MTG1: variants seen among roughly 807,000 people sequenced by gnomAD.
MTG1 encodes mitochondrial ribosome associated GTPase 1, also known as mitochondrial ribosome-associated GTPase 1.
In MTG1, 30 loss-of-function variants were observed where a neutral mutation model predicts 39.5. The observed-to-expected ratio is 0.76, with a 90% CI of 0.57 to 1.03. MTG1 has a LOEUF of 1.03. Ranked by LOEUF, MTG1 falls within the 50% of genes least tolerant of loss-of-function variation. The pLI, the probability that MTG1 is intolerant of heterozygous loss-of-function variation, is 0.00. For synonymous variants in MTG1, 217 were observed against 179.0 expected (o/e 1.21, Z -1.69); for missense variants, 513 against 447.4 (o/e 1.15, Z -1.32).
At chr10:133,417,564 A>G (rs1589919636) in intron 9 of MTG1, among the ~76,000 whole-genome samples, 1 of 151,842 alleles carries the variant, frequency 6.6e-6, no homozygotes, top group Admixed American at 6.6e-5. Context: ...AGGGTATTCA[A>G]TTAGGAAAAG....
Position 133,420,286 on chromosome 10 carries a change from C to A in MTG1, c.*121C>A. 1 of 1,232,134 alleles carries A rather than the reference C, an allele frequency of 8.1e-7. No homozygotes were observed. The highest frequency in any genetic ancestry group is 1.1e-6 in the Non-Finnish European group (1 of 926,626). The allele number at this position is 1,232,134 out of a possible 1,614,324, so 76.3% of individuals were successfully genotyped here. ...CCATGCTGGTCACTAGGGTGCTGTGCTCTCTGGCGCCCCACAGCCTGGCCA... is the reference window on the plus strand; with the variant it reads ...CCATGCTGGTCACTAGGGTGCTGTGATCTCTGGCGCCCCACAGCCTGGCCA... On this transcript the variant is annotated 3_prime_UTR_variant, in exon 11 of 11. Transcript: ENST00000317502.
intron 10 of MTG1, among the ~76,000 whole-genome samples, 190 bp downstream of exon 10, chr10:133,419,782 G>A (rs1411624923): frequency 1.3e-5 from 2 of 152,184 alleles, no homozygotes; most frequent in Non-Finnish European, 2.9e-5. Flanking sequence ...CCAGGCTTCC[G>A]AGGGTGAGAC....
chr10:133,398,405 A>G (rs1172592035), intron 3 of MTG1, 30 bp from the exon 4 acceptor site: 2 of 1,605,842 alleles, frequency 1.2e-6, no homozygotes, highest in East Asian at 2.2e-5. Flanking sequence ...CAGTAAAAAA[A>G]GTAACATAGA....
chr10:133,404,213 A>G (rs192770343), intron 9 of MTG1, among the ~76,000 whole-genome samples: 116 of 136,350 alleles, frequency 8.5e-4, no homozygotes, highest in Middle Eastern at 4.1e-3. Flanking sequence ...CTGCAGCCTG[A>G]CCTCCTGGGC....
At chr10:133,410,956 T>C (rs11101743) in intron 9 of MTG1, among the ~76,000 whole-genome samples, 364 of 152,348 alleles carry the variant, frequency 2.4e-3, no homozygotes, top group African/African-American at 8.5e-3. Context: ...GTAGTTATTA[T>C]TTTTGATACA....
At chr10:133,394,472 T>C in intron 1 of MTG1, 140 bp downstream of exon 1, 1 of 1,325,210 alleles carries the variant, frequency 7.5e-7, no homozygotes, top group Non-Finnish European at 9.7e-7. Context: ...CTCCCCTCCT[T>C]CCCCGCTCTC....
At chr10:133,397,483 CT>C (rs755741791) in intron 3 of MTG1, among the ~76,000 whole-genome samples, 220 of 142,144 alleles carry the variant, frequency 1.5e-3, no homozygotes, top group Non-Finnish European at 1.6e-3. Flanking sequence ...GTCTTATTTT[CT>C]TTTTTTTTTT....
chr10:133,416,859 AAC>A (rs1484619640), intron 9 of MTG1, among the ~76,000 whole-genome samples: 1 of 151,692 alleles, frequency 6.6e-6, no homozygotes, highest in African/African-American at 2.4e-5. Context: ...TGCCGCAATA[AAC>A]ACATGTGTGC....
intron 1 of MTG1, chr10:133,394,779 G>C (rs1457590966): frequency 3.1e-6 from 3 of 971,896 alleles, no homozygotes; most frequent in Non-Finnish European, 3.7e-6. Flanking sequence ...TCGTTCTCCT[G>C]CTTAACGTCT....
chr10:133,396,039 T>C (rs1338234582), intron 2 of MTG1, 124 bp from the exon 3 acceptor site: 2 of 936,574 alleles, frequency 2.1e-6, no homozygotes, highest in Non-Finnish European at 3.4e-6. Context: ...TCCTGCCAAC[T>C]GGGGCTTTTC....
chr10:133,399,242 C>G lies in MTG1; in HGVS notation c.420+16C>G. ...CCGAAAAGAGGTTGGTTGGTGGGGC[C>G]CAGAGCTGGGAGTGGGAGGCGGGCG... On this transcript the variant is annotated intron_variant, in intron 5 of 10. Transcript: ENST00000317502. The G allele has an allele frequency of 6.2e-7, 1 of 1,613,834 alleles. No individual in the cohort carries two copies. The highest frequency in any genetic ancestry group is 8.5e-7 in the Non-Finnish European group (1 of 1,179,886).
rs765788482 is a variant in MTG1, at chr10:133,402,164, C to A, written c.589C>A (p.Leu197Met). Reference sequence around the variant, plus strand: ...GCCCACACAGGTCTCTGAGCGGCCCCTGATGTTCCTGTTGGACACTCCTGG... The same window carrying A: ...GCCCACACAGGTCTCTGAGCGGCCCATGATGTTCCTGTTGGACACTCCTGG... The part of the protein sequence containing the change: ...MSKIQVSERP[L>M]MFLLDTPGVL... The change falls in exon 8 of 11, where the codon CTG (leucine) becomes ATG (methionine). Residue 197 changes from leucine (L) to methionine (M), a missense_variant. Leu to Met is a conservative substitution (Grantham distance 15). Transcript: ENST00000317502. This position sits in a 1 kb window ranked among gnomAD's most constrained non-coding sequence, Gnocchi z 4.7. 1.6e-5 allele frequency: 26 copies of A among 1,613,934 alleles called. No individual in the cohort carries two copies. The African/African-American group carries it at 2.4e-4, about 15-fold the overall frequency.
In MTG1 at chr10:133,421,792, C is replaced by T. The variant is rs1233051778; in HGVS notation, c.*1627C>T. 1 of 153,156 alleles carries T rather than the reference C, an allele frequency of 6.5e-6. No homozygotes were observed. The highest frequency in any genetic ancestry group is 2.1e-4 in the South Asian group (1 of 4,836). The allele number at this position is 153,156 out of a possible 1,614,324, so 9.5% of individuals were successfully genotyped here. On this transcript the variant is annotated 3_prime_UTR_variant, in exon 11 of 11. Coordinates refer to ENST00000317502, the MANE Select transcript of MTG1 (RefSeq NM_138384.4). Reference sequence around the variant, plus strand: ...GGCAGGGCCCGTGGTGGGTGCTGGTCTTGACTTTGGTGTCCACTGAGTCCC... The same window carrying T: ...GGCAGGGCCCGTGGTGGGTGCTGGTTTTGACTTTGGTGTCCACTGAGTCCC...
Position 133,420,174 on chromosome 10 carries a change from G to T in MTG1, c.*9G>T. 2.5e-6 allele frequency: 4 copies of T among 1,602,064 alleles called. No individual in the cohort carries two copies. The highest frequency in any genetic ancestry group is 3.4e-6 in the Non-Finnish European group (4 of 1,174,102). ...CTGAGACTTTGCCCTGAACTTGTCC[G>T]GGTAGGGAGGGCCGGAGGCATGTGG... is the stretch of plus-strand genomic sequence containing the variant. On this transcript the variant is annotated 3_prime_UTR_variant, in exon 11 of 11. Coordinates refer to ENST00000317502, the MANE Select transcript of MTG1 (RefSeq NM_138384.4).
chr10:133,418,995 C>T (rs1033454364), intron 9 of MTG1, among the ~76,000 whole-genome samples: 3 of 152,218 alleles, frequency 2.0e-5, no homozygotes, highest in Non-Finnish European at 2.9e-5. Flanking sequence ...CGCTCAAACA[C>T]CCAGCCGGGT....
chr10:133,404,129 C>CTTTT (rs57165977), intron 9 of MTG1, among the ~76,000 whole-genome samples: 2,477 of 91,126 alleles, frequency 0.027, 196 homozygotes, highest in African/African-American at 0.079. Context: ...AAGTTTTAAT[C>CTTTT]TTTTTTTTTT....
intron 9 of MTG1, among the ~76,000 whole-genome samples, chr10:133,409,712 CATAG>C (rs1850018070): frequency 6.6e-6 from 1 of 152,168 alleles, no homozygotes; most frequent in Non-Finnish European, 1.5e-5. Context: ...GTGTTGGGTG[CATAG>C]ATATTTATAA....
At chr10:133,409,959 C>A (rs1018498163) in intron 9 of MTG1, among the ~76,000 whole-genome samples, 5 of 145,918 alleles carry the variant, frequency 3.4e-5, no homozygotes, top group African/African-American at 1.3e-4. Context: ...CTTTGACTTT[C>A]AGTCTGCGTA....
rs756908723 is a variant in MTG1 at position 133,398,407 on chromosome 10, T to G, written c.283-28T>G. ...AGAGCCAAGACTCCAGTAAAAAAAG[T>G]AACATAGAAATGTTTTGTGTCTTTC... On this transcript the variant is annotated intron_variant, in intron 3 of 10. Transcript: ENST00000317502. 1.9e-6 allele frequency: 3 copies of G among 1,606,472 alleles called. No individual in the cohort carries two copies. In the Admixed American group the frequency reaches 5.2e-5, roughly 28 times the overall value.
Sources: allele counts gnomAD v4.1 joint callset (sites outside exome capture counted in the v4.1 genomes callset), GRCh38; gene constraint gnomAD v4.1.1; non-coding constraint Gnocchi (gnomAD v3.1); transcripts MANE v1.5; gene names NCBI Gene and HGNC (gene_info 2026-07-23, HGNC 2026-07-21).